ST18: variants seen among roughly 807,000 people sequenced by gnomAD.
ST18 encodes suppression of tumorigenicity 18 protein.
Under a neutral mutation model 110.0 loss-of-function variants are expected in ST18, and 50 were observed. The observed-to-expected ratio is 0.45, with a 90% confidence interval of 0.36 to 0.58. The LOEUF (loss-of-function observed/expected upper bound fraction) is 0.58. Among genes scored for constraint, ST18 ranks in the 20% least tolerant of loss-of-function variants. The probability of loss-of-function intolerance (pLI) is 0.00; values close to 1 mark genes in which losing one functional copy is unlikely to be tolerated. For missense variants in ST18, 1,306 were observed against 1,280.1 expected, an observed-to-expected ratio of 1.02 and a Z score of -0.31; for synonymous variants, 461 against 452.4, an observed-to-expected ratio of 1.02 and a Z score of -0.24.
chr8:52,253,682 A>C (rs2094423861), intron 2 of ST18, among the ~76,000 whole-genome samples: 1 of 152,076 alleles, frequency 6.6e-6, no homozygotes, highest in Non-Finnish European at 1.5e-5. Flanking sequence ...CTCATCCCTC[A>C]CAAAGATCTC....
intron 2 of ST18, among the ~76,000 whole-genome samples, chr8:52,376,795 G>A (rs1177011387): frequency 6.6e-6 from 1 of 152,082 alleles, no homozygotes; most frequent in Non-Finnish European, 1.5e-5. Flanking sequence ...CACTGATCTG[G>A]GTGAATCTGA....
At chr8:52,250,079 G>T (rs955764055) in intron 2 of ST18, among the ~76,000 whole-genome samples, 1 of 151,308 alleles carries the variant, frequency 6.6e-6, no homozygotes, top group African/African-American at 2.4e-5. Context: ...AAAATGAAAT[G>T]CTGAGAGCAC....
intron 2 of ST18, among the ~76,000 whole-genome samples, chr8:52,265,235 A>G (rs566454906): frequency 6.6e-6 from 1 of 152,332 alleles, no homozygotes; most frequent in Non-Finnish European, 1.5e-5. Context: ...TTGAAAGAAA[A>G]TAGGAAGAGC....
At chr8:52,202,587 A>T (rs1021086590) in intron 8 of ST18, among the ~76,000 whole-genome samples, 10 of 152,220 alleles carry the variant, frequency 6.6e-5, no homozygotes, top group Non-Finnish European at 1.3e-4. Flanking sequence ...CAAGTAAAGA[A>T]GTGCTTGGGG....
chr8:52,300,764 T>C (rs1007913587), intron 2 of ST18, among the ~76,000 whole-genome samples: 3 of 152,136 alleles, frequency 2.0e-5, no homozygotes, highest in East Asian at 1.9e-4. Flanking sequence ...AAGAGCAGAG[T>C]TGAATAGTTC....
intron 2 of ST18, among the ~76,000 whole-genome samples, chr8:52,232,956 G>GA (rs2091822475): frequency 6.6e-6 from 1 of 152,014 alleles, no homozygotes; most frequent in Non-Finnish European, 1.5e-5. Context: ...GAGAATGTAA[G>GA]CACATGAGAA....
chr8:52,357,111 A>G (rs773303623), intron 2 of ST18, among the ~76,000 whole-genome samples: 27 of 151,858 alleles, frequency 1.8e-4, no homozygotes, highest in Non-Finnish European at 1.2e-4. Context: ...AGGTGTATAT[A>G]TTTATGGGGC....
chr8:52,125,266 C>T (rs1201094541), intron 23 of ST18, among the ~76,000 whole-genome samples: 12 of 152,110 alleles, frequency 7.9e-5, no homozygotes, highest in African/African-American at 2.9e-4. Flanking sequence ...TCCAAACCTT[C>T]CAGAATCTCT....
chr8:52,125,850 C>T, intron 23 of ST18: 1 of 539,646 alleles, frequency 1.9e-6, no homozygotes, highest in East Asian at 3.0e-5. Context: ...TTGGAGATCA[C>T]TCCTTATTTA....
At chr8:52,248,433 A>G (rs2094028162) in intron 2 of ST18, 1 of 152,190 alleles carries the variant, frequency 6.6e-6, no homozygotes, top group South Asian at 2.1e-4. Context: ...TAAACCACTG[A>G]CAACCCACTT....
intron 2 of ST18, among the ~76,000 whole-genome samples, chr8:52,252,008 A>G (rs1167606411): frequency 6.6e-6 from 1 of 152,106 alleles, no homozygotes; most frequent in Non-Finnish European, 1.5e-5. Context: ...CAATAAAGTC[A>G]CGCAAGTTAT....
intron 8 of ST18, among the ~76,000 whole-genome samples, chr8:52,199,743 C>G (rs1166545758): frequency 6.6e-6 from 1 of 152,242 alleles, no homozygotes; most frequent in Non-Finnish European, 1.5e-5. Context: ...ATCTCTAGTC[C>G]TATATATCCT....
intron 5 of ST18, among the ~76,000 whole-genome samples, chr8:52,218,554 A>ATT (rs745791743): frequency 5.2e-4 from 52 of 100,894 alleles, no homozygotes; most frequent in East Asian, 5.0e-3. Context: ...TGCCTGGCTA[A>ATT]TTTTTTTTTT....
At chr8:52,116,570 C>T (rs12334321) in intron 24 of ST18, 152 bp from the exon 25 acceptor site, 199,617 of 730,338 alleles carry the variant, frequency 0.27, 31,234 homozygotes, top group African/African-American at 0.48. Context: ...TGCAGCCCCA[C>T]TGGATTGTTT....
chr8:52,348,627 C>G (rs370347047), intron 2 of ST18, among the ~76,000 whole-genome samples: 1 of 152,032 alleles, frequency 6.6e-6, no homozygotes, highest in Non-Finnish European at 1.5e-5. Context: ...GCCTGTAATC[C>G]CAGCTACTCG....
chr8:52,404,324 C>T (rs1843721042), intron 2 of ST18: 1 of 152,190 alleles, frequency 6.6e-6, no homozygotes, highest in Non-Finnish European at 1.5e-5. Context: ...GCACTGAGAC[C>T]CATCCTGCAC....
intron 2 of ST18, among the ~76,000 whole-genome samples, chr8:52,321,383 A>G (rs16917671): frequency 0.14 from 21,593 of 152,238 alleles, 1,869 homozygotes; most frequent in African/African-American, 0.25. Flanking sequence ...ACACTTCTCT[A>G]TCAATGTGAA....
intron 2 of ST18, among the ~76,000 whole-genome samples, chr8:52,321,121 C>T (rs542361412): frequency 2.0e-5 from 3 of 152,188 alleles, no homozygotes; most frequent in African/African-American, 4.8e-5. Context: ...AAAGCAGGGC[C>T]GTGTATTGTT....
In ST18 at chr8:52,214,226, C is replaced by A. The variant is rs767811555; in HGVS notation, c.32G>T (p.Arg11Leu). ...ACCCTCGGTTCCTTTAGAGCGAGTA[C>A]GCAGCGTTTTATCTTCAGCCTCTGC... MDAEAEDKTL[R>L]TRSKGTEVPM... The change falls in exon 7 of 26, where the codon CGT (arginine) becomes CTT (leucine). Residue 11 changes from arginine to leucine, a missense_variant. Coordinates refer to ENST00000689386, the MANE Select transcript of ST18 (RefSeq NM_001352837.2). The A allele has an allele frequency of 8.7e-6, 14 of 1,614,044 alleles. No homozygotes were observed. Among genetic ancestry groups the A allele is most frequent in the Non-Finnish European group, 9.3e-6 (11 of 1,179,980 alleles).
Sources: gnomAD v4.1 joint callset for allele counts (sites outside exome capture counted in the v4.1 genomes callset) on GRCh38, gnomAD v4.1.1 for gene constraint, MANE v1.5 for transcripts, NCBI Gene and HGNC (gene_info 2026-07-23, HGNC 2026-07-21) for gene names.